Variants in LRP2 observed in about 807,000 individuals in gnomAD.
LRP2 encodes the protein low-density lipoprotein receptor-related protein 2.
LRP2 carries 172 observed loss-of-function variants against 531.0 expected under a neutral mutation model. The ratio of observed to expected loss-of-function variants is 0.32; its 90% confidence interval spans 0.29 to 0.37. The LOEUF is 0.37. Among genes scored for constraint, LRP2 ranks in the 10% least tolerant of loss-of-function variants. The probability of loss-of-function intolerance (pLI) is 1.00; values close to 1 mark genes in which losing one functional copy is unlikely to be tolerated. For missense variants in LRP2, 5,167 were observed against 5,868.3 expected (o/e 0.88, Z 3.90); for synonymous variants, 1,992 against 2,027.6 (o/e 0.98, Z 0.47).
chr2:169,290,266 T>A (rs1473448266), intron 8 of LRP2, among the ~76,000 whole-genome samples: 10 of 41,626 alleles, frequency 2.4e-4, no homozygotes, highest in Non-Finnish European at 7.0e-4. Context: ...ACCAGAAGCT[T>A]TTTTTTTTTT....
chr2:169,213,665 T>C lies in LRP2; in HGVS notation c.6032A>G (p.His2011Arg). Residue 2011 changes from histidine to arginine, a missense_variant, in exon 36 of 79, where the codon CAC becomes CGC. His to Arg is a conservative substitution (Grantham distance 29). Around this residue, in one of 6 missense-constraint regions of LRP2, gnomAD observed 2,811 missense variants for 3,058.0 expected, o/e 0.92. Transcript: ENST00000649046. ...VPNLRGLQVY[H>R]RRNAAESSNG... is the part of the protein sequence containing the mutation. ...CAGTGACAAATACTTACTGCGTCTGTGATAAACTTGAAGACCCCTCAGATT... is the reference window on the plus strand; with the variant it reads ...CAGTGACAAATACTTACTGCGTCTGCGATAAACTTGAAGACCCCTCAGATT... 6.2e-7 allele frequency: 1 copy of C among 1,612,312 alleles called. No individual in the cohort carries two copies.
At chr2:169,338,760 T>A (rs1685488968) in intron 1 of LRP2, among the ~76,000 whole-genome samples, 1 of 152,162 alleles carries the variant, frequency 6.6e-6, no homozygotes, top group African/African-American at 2.4e-5. Flanking sequence ...GAAACTACTA[T>A]AATATTACAG....
intron 9 of LRP2, 95 bp from the exon 10 acceptor site, chr2:169,283,096 G>A (rs1298938178): frequency 3.1e-6 from 4 of 1,295,698 alleles, no homozygotes; most frequent in African/African-American, 1.4e-5. Flanking sequence ...CAAGAATGTG[G>A]TGTTGCCCAT....
chr2:169,202,008 A>G lies in LRP2; in HGVS notation c.8210-138T>C, dbSNP rs147538431. On this transcript the variant is annotated intron_variant, in intron 43 of 78. Transcript: ENST00000649046. ...AAACGCTGCAAAATGGACTGCATGC[A>G]AAGTGAGATAACACTTTTAATTAGT... is the stretch of plus-strand genomic sequence containing the variant. 4.1e-4 allele frequency: 423 copies of G among 1,021,544 alleles called. 2 individuals are homozygous for G. The African/African-American group carries it at 6.2e-3, about 15-fold the overall frequency. The allele number at this position is 1,021,544 out of a possible 1,614,324, so 63.3% of individuals were successfully genotyped here. A position where few individuals can be genotyped will look rare whatever the true frequency, so the allele number is the denominator to read the frequency against.
intron 47 of LRP2, among the ~76,000 whole-genome samples, chr2:169,193,144 C>CCACT (rs1559007223): frequency 6.6e-6 from 1 of 152,098 alleles, no homozygotes; most frequent in Non-Finnish European, 1.5e-5. Context: ...GAGTGGCCAA[C>CCACT]CACTGGGTGC....
intron 22 of LRP2, 106 bp from the exon 23 acceptor site, chr2:169,243,628 A>C (rs1172037667): frequency 7.4e-7 from 1 of 1,357,678 alleles, no homozygotes; most frequent in Non-Finnish European, 1.1e-6. Context: ...TCAATTGTAC[A>C]TGGGTTCAAA....
intron 31 of LRP2, among the ~76,000 whole-genome samples, chr2:169,227,276 T>C (rs755402750): frequency 4.6e-5 from 7 of 152,214 alleles, no homozygotes; most frequent in Non-Finnish European, 7.3e-5. Flanking sequence ...GATAACTAAA[T>C]GGATGACCAT....
intron 35 of LRP2, among the ~76,000 whole-genome samples, chr2:169,214,547 C>G (rs1159450497): frequency 1.3e-5 from 2 of 151,946 alleles, no homozygotes; most frequent in Non-Finnish European, 2.9e-5. Flanking sequence ...GCGAGAGACA[C>G]AGTGTGGCTT....
chr2:169,320,963 G>C, intron 1 of LRP2, 79 bp from the exon 2 acceptor site: 3 of 1,025,576 alleles, frequency 2.9e-6, no homozygotes, highest in Non-Finnish European at 3.0e-6. Flanking sequence ...TTGATAAAAT[G>C]AAAAATTATT....
rs796855006 is a variant in LRP2 at position 169,146,012 on chromosome 2, A to G, written c.12812-89T>C. On this transcript the variant is annotated intron_variant, in intron 69 of 78. Coordinates refer to ENST00000649046, the MANE Select transcript of LRP2 (RefSeq NM_004525.3). ...TACCGCCACTTCTAGATCTGATGTC[A>G]TTCTGCTTGAATTATTCCCTCATAC... 13 of 1,184,158 alleles carry G rather than the reference A, an allele frequency of 1.1e-5. No individual in the cohort carries two copies. In the African/African-American group the frequency reaches 1.5e-4, roughly 14 times the overall value. The allele number at this position is 1,184,158 out of a possible 1,614,324, so 73.4% of individuals were successfully genotyped here. A position where few individuals can be genotyped will look rare whatever the true frequency, so the allele number is the denominator to read the frequency against.
At chr2:169,233,691 G>A in intron 29 of LRP2, 103 bp from the exon 30 acceptor site, 1 of 1,016,450 alleles carries the variant, frequency 9.8e-7, no homozygotes, top group Non-Finnish European at 1.5e-6. Context: ...CCTTTAACAT[G>A]TCATTATTTA....
chr2:169,269,209 C>A (rs1343607691), intron 16 of LRP2, among the ~76,000 whole-genome samples: 2 of 152,224 alleles, frequency 1.3e-5, no homozygotes, highest in African/African-American at 4.8e-5. Context: ...ATGCCATCCC[C>A]ATCAAGCTAC....
chr2:169,137,160 C>T lies in LRP2; in HGVS notation c.13620+232G>A, dbSNP rs989879753. 2.0e-5 allele frequency among the ~76,000 whole-genome samples: 3 copies of T among 152,240 alleles called. No homozygotes were observed. The South Asian group carries it at 6.2e-4, about 31-fold the overall frequency. On this transcript the variant is annotated intron_variant, in intron 76 of 78. Transcript: ENST00000649046. ...ATGAAAGGTTCTTGGCCAGCAGCCC[C>T]GGCATGGCTGCCAAACCTCCACCAC...
intron 16 of LRP2, among the ~76,000 whole-genome samples, chr2:169,263,761 A>G (rs1690669851): frequency 6.6e-6 from 1 of 152,152 alleles, no homozygotes; most frequent in Admixed American, 6.5e-5. Flanking sequence ...TACCCAGAGG[A>G]CTATAAATCA....
intron 7 of LRP2, 128 bp from the exon 8 acceptor site, chr2:169,291,125 A>G (rs931507738): frequency 1.4e-4 from 115 of 797,540 alleles, no homozygotes; most frequent in Non-Finnish European, 2.2e-4. Flanking sequence ...TACATTTTAC[A>G]ATAAGTTAGT....
chr2:169,226,087 T>C (rs1020220790), intron 32 of LRP2, among the ~76,000 whole-genome samples: 2 of 152,252 alleles, frequency 1.3e-5, no homozygotes, highest in African/African-American at 2.4e-5. Flanking sequence ...GCAAGCATTG[T>C]GACTGCTGCT....
At chr2:169,296,045 T>G (rs1684127182) in intron 4 of LRP2, among the ~76,000 whole-genome samples, 1 of 152,074 alleles carries the variant, frequency 6.6e-6, no homozygotes. Flanking sequence ...GTCCCAAGTC[T>G]TTTCAAGCAG....
intron 50 of LRP2, among the ~76,000 whole-genome samples, chr2:169,184,235 A>G (rs1687544359): frequency 6.6e-6 from 1 of 152,216 alleles, no homozygotes; most frequent in Non-Finnish European, 1.5e-5. Context: ...CCTGGAAATC[A>G]TTAATCACTA....
chr2:169,180,056 G>C (rs1687371901), intron 52 of LRP2, among the ~76,000 whole-genome samples: 1 of 152,094 alleles, frequency 6.6e-6, no homozygotes, highest in African/African-American at 2.4e-5. Context: ...TGTGTAACTA[G>C]AAAATTCCTT....
Sources: gnomAD v4.1 joint callset for allele counts (sites outside exome capture counted in the v4.1 genomes callset) on GRCh38, gnomAD v4.1.1 for gene constraint, gnomAD v4.1.1 regional missense constraint, MANE v1.5 for transcripts, NCBI Gene and HGNC (gene_info 2026-07-23, HGNC 2026-07-21) for gene names.